Variants in COG5 observed in about 807,000 individuals in gnomAD.
COG5 encodes component of oligomeric golgi complex 5, also known as conserved oligomeric Golgi complex subunit 5.
Under a neutral mutation model 110.4 loss-of-function variants are expected in COG5, and 86 were observed. The ratio of observed to expected loss-of-function variants is 0.78; its 90% CI spans 0.65 to 0.93. The LOEUF is 0.93. Among genes scored for constraint, COG5 ranks in the 40% least tolerant of loss-of-function variants. The pLI, the probability that COG5 is intolerant of heterozygous loss-of-function variation, is 0.00. For synonymous variants in COG5, 360 were observed against 334.6 expected (o/e 1.08, Z -0.83); for missense variants, 1,077 against 987.0 (o/e 1.09, Z -1.22).
At chr7:107,258,157 C>A (rs1803026045) in intron 15 of COG5, 116 bp downstream of exon 15, 1 of 677,090 alleles carries the variant, frequency 1.5e-6, no homozygotes, top group East Asian at 2.7e-5. Flanking sequence ...ATTTTATAAT[C>A]ATCACATTTT....
At chr7:107,282,253 A>G (rs1471469581) in intron 13 of COG5, among the ~76,000 whole-genome samples, 1 of 152,168 alleles carries the variant, frequency 6.6e-6, no homozygotes, top group Admixed American at 6.6e-5. Context: ...TCACTTTTAA[A>G]TTTTATTAAA....
chr7:107,529,012 G>C (rs1800976837), intron 5 of COG5, among the ~76,000 whole-genome samples: 1 of 38,402 alleles, frequency 2.6e-5, no homozygotes, highest in African/African-American at 5.4e-4. Context: ...AAACTAATCT[G>C]AAATACTTAA....
chr7:107,323,579 A>C (rs1809498776), intron 11 of COG5, among the ~76,000 whole-genome samples: 1 of 152,144 alleles, frequency 6.6e-6, no homozygotes, highest in Admixed American at 6.6e-5. Context: ...AAATGGAGTA[A>C]ATGGATCCTA....
chr7:107,488,744 G>A (rs1797804533), intron 6 of COG5, among the ~76,000 whole-genome samples: 1 of 152,000 alleles, frequency 6.6e-6, no homozygotes, highest in Non-Finnish European at 1.5e-5. Context: ...CTACTCAAGA[G>A]CCTAAGGTGA....
intron 6 of COG5, among the ~76,000 whole-genome samples, chr7:107,502,124 T>G (rs902396548): frequency 1.3e-5 from 2 of 152,162 alleles, no homozygotes; most frequent in African/African-American, 2.4e-5. Flanking sequence ...ACACAAGTAG[T>G]GTACTTTGTA....
At chr7:107,294,713 CTT>C (rs796291188) in intron 12 of COG5, among the ~76,000 whole-genome samples, 22,417 of 109,424 alleles carry the variant, frequency 0.2, 1,657 homozygotes, top group East Asian at 0.27. Flanking sequence ...AATTTTCTTT[CTT>C]TTTTTTTTTT....
chr7:107,301,148 C>CA (rs1357933138), intron 11 of COG5, among the ~76,000 whole-genome samples: 1 of 152,032 alleles, frequency 6.6e-6, no homozygotes, highest in Non-Finnish European at 1.5e-5. Context: ...AAAATTAACT[C>CA]AAAAAAGATT....
chr7:107,535,204 A>T (rs575868514), intron 5 of COG5, among the ~76,000 whole-genome samples: 3 of 151,724 alleles, frequency 2.0e-5, no homozygotes, highest in Non-Finnish European at 2.9e-5. Context: ...CTAAATGCCC[A>T]CAGGAGAAAG....
intron 7 of COG5, among the ~76,000 whole-genome samples, chr7:107,384,008 G>A (rs1208308750): frequency 6.6e-6 from 1 of 152,146 alleles, no homozygotes; most frequent in East Asian, 1.9e-4. Flanking sequence ...CCCTCTCCCT[G>A]TGCAAACTGG....
At chr7:107,544,134 C>T (rs1802248084) in intron 5 of COG5, among the ~76,000 whole-genome samples, 1 of 152,122 alleles carries the variant, frequency 6.6e-6, no homozygotes, top group Non-Finnish European at 1.5e-5. Context: ...ACCAAGGCTC[C>T]AGGACCACCC....
intron 10 of COG5, among the ~76,000 whole-genome samples, chr7:107,339,966 G>A (rs186506384): frequency 2.0e-5 from 3 of 151,616 alleles, no homozygotes; most frequent in East Asian, 3.9e-4. Context: ...TAGAAAAACC[G>A]AGAACAAAGA....
chr7:107,258,621 G>C, intron 14 of COG5: 1 of 552,150 alleles, frequency 1.8e-6, no homozygotes, highest in Middle Eastern at 4.9e-4. Context: ...AAGCACAATT[G>C]GTCTTGCACG....
chr7:107,226,020 G>A (rs1028823335), intron 19 of COG5, among the ~76,000 whole-genome samples: 1 of 151,790 alleles, frequency 6.6e-6, no homozygotes, highest in African/African-American at 2.4e-5. Context: ...TCCAACCTGG[G>A]GGACAAAAGC....
intron 7 of COG5, among the ~76,000 whole-genome samples, chr7:107,374,723 T>C (rs1363311806): frequency 6.6e-6 from 1 of 152,044 alleles, no homozygotes; most frequent in African/African-American, 2.4e-5. Flanking sequence ...AAGTATATAT[T>C]ACAGCATTAT....
intron 7 of COG5, among the ~76,000 whole-genome samples, chr7:107,381,618 C>G (rs1341321860): frequency 1.3e-5 from 2 of 152,194 alleles, no homozygotes; most frequent in Non-Finnish European, 2.9e-5. Context: ...AGAACTTTGG[C>G]AGGTGCTCTC....
At chr7:107,366,943 G>A (rs1319124615) in intron 8 of COG5, among the ~76,000 whole-genome samples, 3 of 152,060 alleles carry the variant, frequency 2.0e-5, no homozygotes, top group Non-Finnish European at 2.9e-5. Context: ...AGTATAGTGG[G>A]AAAGGCTGAA....
At chr7:107,296,173 CTCTTT>C (rs796131569) in intron 12 of COG5, among the ~76,000 whole-genome samples, 5 of 147,200 alleles carry the variant, frequency 3.4e-5, no homozygotes, top group Admixed American at 6.8e-5. Context: ...CTCTCTCCCT[CTCTTT>C]TCTTTTCTTT....
At chr7:107,329,776 G>T (rs1562971038) in intron 10 of COG5, among the ~76,000 whole-genome samples, 1 of 152,068 alleles carries the variant, frequency 6.6e-6, no homozygotes, top group East Asian at 1.9e-4. Context: ...TGTGCCTGTG[G>T]TCTCAGCTAC....
chr7:107,528,200 TTC>T (rs1563083994), intron 5 of COG5, among the ~76,000 whole-genome samples: 1 of 152,030 alleles, frequency 6.6e-6, no homozygotes, highest in Non-Finnish European at 1.5e-5. Flanking sequence ...CAAGCGATCC[TTC>T]TGCCTCAGCC....
Sources: allele counts gnomAD v4.1 joint callset (sites outside exome capture counted in the v4.1 genomes callset), GRCh38; gene constraint gnomAD v4.1.1; transcripts MANE v1.5; gene names NCBI Gene and HGNC (gene_info 2026-07-23, HGNC 2026-07-21).